The following PRKDC variants were observed in gnomAD, a reference collection of about 807,000 sequenced individuals.
PRKDC encodes the protein protein kinase, DNA-activated, catalytic subunit, also known as DNA-dependent protein kinase catalytic subunit.
Under a neutral mutation model 486.9 loss-of-function variants are expected in PRKDC, and 82 were observed. That is an observed-to-expected ratio of 0.17 (90% CI 0.14 to 0.20). The LOEUF (loss-of-function observed/expected upper bound fraction) is 0.20, where lower values mean the gene tolerates loss of function less well. Among genes scored for constraint, PRKDC ranks in the 10% least tolerant of loss-of-function variants. The probability of loss-of-function intolerance (pLI) is 1.00; values close to 1 mark genes in which losing one functional copy is unlikely to be tolerated. For synonymous variants in PRKDC, 1,895 were observed against 1,837.0 expected (o/e 1.03, Z -0.81); for missense variants, 4,504 against 5,038.2 (o/e 0.89, Z 3.21).
At chr8:47,818,922 T>C (rs950037382) in intron 67 of PRKDC, among the ~76,000 whole-genome samples, 1 of 152,222 alleles carries the variant, frequency 6.6e-6, no homozygotes, top group African/African-American at 2.4e-5. Flanking sequence ...TCATCAGCGA[T>C]ACAAAGGCCT....
intron 73 of PRKDC, 148 bp from the exon 74 acceptor site, chr8:47,794,649 C>T (rs780522419): frequency 1.5e-4 from 102 of 676,910 alleles, no homozygotes; most frequent in Non-Finnish European, 7.9e-5. Flanking sequence ...TCTTCTGCTG[C>T]GGCAACCACT....
Position 47,799,260 on chromosome 8 carries a change from A to C in PRKDC, c.10247T>G (p.Leu3416Arg). 1 of 1,613,906 alleles carries C rather than the reference A, an allele frequency of 6.2e-7. No individual in the cohort carries two copies. Among genetic ancestry groups the C allele is most frequent in the Non-Finnish European group, 8.5e-7 (1 of 1,179,888 alleles). ...CAGCTGTTGGTCACAGAAATCTGCC[A>C]GCGTCATGTAAGCATCAATCACCCC... ...AAGVIDAYMTLADFCDQQLRK... is the reference protein window; with the variant it reads ...AAGVIDAYMTRADFCDQQLRK... Residue 3416 changes from leucine (L) to arginine (R), a missense_variant, in exon 72 of 86, where the codon CTG becomes CGG. Leu to Arg is a moderately radical substitution (Grantham distance 102, BLOSUM62 -2). This residue lies in a region of PRKDC where 706 missense variants were observed against 945.0 expected (regional missense o/e 0.75). Transcript: ENST00000314191.
rs767430830 is a variant in PRKDC at position 47,820,868 on chromosome 8, T to A, written c.9187A>T (p.Thr3063Ser). The A allele has an allele frequency of 2.5e-6, 4 of 1,611,470 alleles. No homozygotes were observed. Among genetic ancestry groups the A allele is most frequent in the Non-Finnish European group, 3.4e-6 (4 of 1,178,308 alleles). ...LQGEADQSLLTFIDKAMHGEL... is the reference protein window; with the variant it reads ...LQGEADQSLLSFIDKAMHGEL... Reference sequence around the variant, plus strand: ...CCGTGCATAGCTTTGTCAATAAATGTCAGCAGGGACTGGTCAGCCTCTCCC... The same window carrying A: ...CCGTGCATAGCTTTGTCAATAAATGACAGCAGGGACTGGTCAGCCTCTCCC... Residue 3063 changes from threonine to serine, a missense_variant, in exon 66 of 86, where the codon ACA (threonine) becomes TCA (serine). By Grantham distance (58) the Thr-to-Ser change is moderately conservative. This residue lies in a region of PRKDC where 1,592 missense variants were observed against 1,724.6 expected (regional missense o/e 0.92). Transcript: ENST00000314191.
intron 7 of PRKDC, among the ~76,000 whole-genome samples, chr8:47,953,039 G>A (rs953455792): frequency 6.6e-6 from 1 of 152,172 alleles, no homozygotes; most frequent in South Asian, 2.1e-4. Flanking sequence ...TACTCGGGAG[G>A]CTGAGGCAGG....
chr8:47,890,150 A>AATG (rs1179510081), intron 32 of PRKDC, 107 bp downstream of exon 32: 1 of 435,940 alleles, frequency 2.3e-6, no homozygotes, highest in Non-Finnish European at 3.7e-6. Flanking sequence ...TAATAATAAT[A>AATG]ATAATAATGA....
intron 4 of PRKDC, among the ~76,000 whole-genome samples, chr8:47,954,893 C>T (rs1445274333): frequency 6.6e-6 from 1 of 152,198 alleles, no homozygotes; most frequent in Non-Finnish European, 1.5e-5. Flanking sequence ...CAGTGGCTCA[C>T]GCCTGTAATC....
At chr8:47,815,154 G>C (rs1330293052) in intron 68 of PRKDC, among the ~76,000 whole-genome samples, 1 of 152,082 alleles carries the variant, frequency 6.6e-6, no homozygotes, top group Non-Finnish European at 1.5e-5. Flanking sequence ...TCAAAAAAAA[G>C]AAAAGTTCGA....
intron 21 of PRKDC, among the ~76,000 whole-genome samples, chr8:47,924,892 T>C (rs1407636164): frequency 1.3e-5 from 2 of 152,216 alleles, no homozygotes; most frequent in African/African-American, 4.8e-5. Flanking sequence ...CACTTCAACA[T>C]GAGAAACCTA....
chr8:47,794,098 T>G (rs1371258830), intron 74 of PRKDC, among the ~76,000 whole-genome samples, 192 bp downstream of exon 74: 2 of 152,190 alleles, frequency 1.3e-5, no homozygotes, highest in Non-Finnish European at 2.9e-5. Flanking sequence ...ATGAAAGTAT[T>G]TAAAGGAGAT....
At chr8:47,878,206 C>T (rs1035805148) in intron 39 of PRKDC, among the ~76,000 whole-genome samples, 2 of 150,768 alleles carry the variant, frequency 1.3e-5, no homozygotes, top group Admixed American at 6.6e-5. Context: ...CCAGGTTTCA[C>T]GCCATTATCC....
chr8:47,857,846 G>A (rs1296644665), intron 48 of PRKDC, among the ~76,000 whole-genome samples: 1 of 152,182 alleles, frequency 6.6e-6, no homozygotes, highest in African/African-American at 2.4e-5. Context: ...GAGCCAAGTG[G>A]ATGGTGTCAC....
chr8:47,945,974 A>G (rs2154504265), intron 7 of PRKDC, among the ~76,000 whole-genome samples: 2 of 152,040 alleles, frequency 1.3e-5, no homozygotes, highest in Non-Finnish European at 2.9e-5. Context: ...CACCTGCCTC[A>G]GCCTCCCAAA....
At chr8:47,878,281 A>T (rs952544118) in intron 39 of PRKDC, among the ~76,000 whole-genome samples, 3 of 151,862 alleles carry the variant, frequency 2.0e-5, no homozygotes, top group African/African-American at 7.3e-5. Flanking sequence ...AATTGTTTGT[A>T]TTTTTAGTAG....
chr8:47,798,239 C>T lies in PRKDC; in HGVS notation c.10456G>A (p.Glu3486Lys). ...CCAAGTAGAATAAAGACACCAACCT[C>T]TTTTGTCATGAGGCTCAAAGTCTCC... The part of the protein sequence containing the change: ...PEETLSLMTK[E>K]ISSVPCWQFI... Residue 3486 changes from glutamate (E) to lysine (K), a missense_variant and splice_region_variant, in exon 73 of 86, where the codon GAG becomes AAG. Physicochemically the swap from Glu to Lys is moderately conservative, Grantham distance 56. Transcript: ENST00000314191. 1 of 1,610,624 alleles carries T rather than the reference C, an allele frequency of 6.2e-7. No individual in the cohort carries two copies. Among genetic ancestry groups the T allele is most frequent in the Non-Finnish European group, 8.5e-7 (1 of 1,179,060 alleles).
intron 30 of PRKDC, among the ~76,000 whole-genome samples, chr8:47,895,297 G>T (rs931308530): frequency 6.6e-6 from 1 of 152,188 alleles, no homozygotes; most frequent in East Asian, 1.9e-4. Context: ...CCACAGAAGA[G>T]ATAAATCAAG....
chr8:47,940,890 T>TC (rs1156234902), intron 10 of PRKDC, among the ~76,000 whole-genome samples: 1 of 152,202 alleles, frequency 6.6e-6, no homozygotes, highest in African/African-American at 2.4e-5. Context: ...ACGCCTGTCA[T>TC]CCCAGCCCTT....
chr8:47,867,614 GTAAT>G (rs1172511666), intron 40 of PRKDC, among the ~76,000 whole-genome samples: 1 of 152,048 alleles, frequency 6.6e-6, no homozygotes, highest in Non-Finnish European at 1.5e-5. Flanking sequence ...AAGCCATTGA[GTAAT>G]TATAGACTAT....
chr8:47,864,777 A>G lies in PRKDC; in HGVS notation c.5364-14T>C. ...ACACATGAACCCCTAAGAAAACAAG[A>G]TAAAATTATATGAACATCCCTGCTT... On this transcript the variant is annotated splice_polypyrimidine_tract_variant and intron_variant, in intron 40 of 85. Coordinates refer to ENST00000314191, the MANE Select transcript of PRKDC (RefSeq NM_006904.7). 1 of 1,539,168 alleles carries G rather than the reference A, an allele frequency of 6.5e-7. No individual in the cohort carries two copies. Among genetic ancestry groups the G allele is most frequent in the Non-Finnish European group, 8.8e-7 (1 of 1,138,072 alleles).
chr8:47,889,257 G>C (rs766495112), intron 32 of PRKDC, 35 bp from the exon 33 acceptor site: 11 of 1,531,582 alleles, frequency 7.2e-6, no homozygotes, highest in Non-Finnish European at 9.7e-6. Flanking sequence ...CACTTCGTCA[G>C]CCAGCACTTC....
Sources: gnomAD v4.1 joint callset for allele counts (sites outside exome capture counted in the v4.1 genomes callset) on GRCh38, gnomAD v4.1.1 for gene constraint, gnomAD v4.1.1 regional missense constraint, MANE v1.5 for transcripts, NCBI Gene and HGNC (gene_info 2026-07-23, HGNC 2026-07-21) for gene names.